PREX1: variants seen among roughly 807,000 people sequenced by gnomAD.
PREX1 encodes phosphatidylinositol 3,4,5-trisphosphate-dependent Rac exchanger 1 protein.
PREX1 carries 41 observed loss-of-function variants against 198.3 expected under a neutral mutation model. That is an observed-to-expected ratio of 0.21 (90% CI 0.16 to 0.27). PREX1 has a LOEUF of 0.27. PREX1 is among the 10% of genes least tolerant of loss of function. The pLI is 1.00. For synonymous variants in PREX1, 843 were observed against 887.2 expected (o/e 0.95, Z 0.89); for missense variants, 1,620 against 2,200.7 (o/e 0.74, Z 5.28).
intron 5 of PREX1, among the ~76,000 whole-genome samples, chr20:48,711,751 C>G (rs1322841659): frequency 6.6e-6 from 1 of 152,228 alleles, no homozygotes; most frequent in Non-Finnish European, 1.5e-5. Context: ...TTAAAAGCAA[C>G]AGAACTGATT....
At chr20:48,676,053 AG>A in intron 14 of PREX1, 139 bp downstream of exon 14, 3 of 856,256 alleles carry the variant, frequency 3.5e-6, no homozygotes, top group Middle Eastern at 3.0e-4. Context: ...AAAAAAAAAA[AG>A]ATCAAGATGG....
rs762648410 is a variant in PREX1, at chr20:48,644,497, G to A, written c.3513C>T (p.Ser1171=). The change falls in exon 27 of 40, where the codon AGC becomes AGT. Residue 1171 remains serine, a splice_region_variant and synonymous_variant. Transcript: ENST00000371941. ...HDTMSYRDSY[S]ECNSNRDSVL... ...CCGAGTCTCGATTGCTGTTACACTC[G>A]CTGCAAAGGGGCCCAGAGAAGGGGC... 91 of 1,612,606 alleles carry A rather than the reference G, an allele frequency of 5.6e-5. No individual in the cohort carries two copies. The highest frequency in any genetic ancestry group is 4.9e-4 in the Middle Eastern group (3 of 6,080).
intron 15 of PREX1, among the ~76,000 whole-genome samples, chr20:48,663,379 C>T (rs1162222149): frequency 2.6e-5 from 4 of 152,152 alleles, no homozygotes; most frequent in Admixed American, 6.5e-5. Context: ...AACTATGGCC[C>T]GGCTGGGTGT....
chr20:48,721,353 C>T lies in PREX1; in HGVS notation c.621+4937G>A, dbSNP rs576393738. Among the ~76,000 whole-genome samples, 85 of 152,198 alleles carry T rather than the reference C, an allele frequency of 5.6e-4. 1 individual carries two copies. Among genetic ancestry groups the T allele is most frequent in the Admixed American group, 9.8e-4 (15 of 15,274 alleles). On this transcript the variant is annotated intron_variant, in intron 5 of 39. Transcript: ENST00000371941. ...GCAAGGTGAAGGGGACAGAGAATGGCAGAGGCAGCTCCTCTATCGCAGAGG... is the reference window on the plus strand; with the variant it reads ...GCAAGGTGAAGGGGACAGAGAATGGTAGAGGCAGCTCCTCTATCGCAGAGG...
chr20:48,868,872 C>CA, the PREX1 span, among the ~76,000 whole-genome samples: 83 of 151,364 alleles, frequency 5.5e-4, no homozygotes, highest in African/African-American at 2.0e-3. Flanking sequence ...CCTAAAGAAT[C>CA]TTTTTTTTTC....
At chr20:48,733,503 G>C (rs1241566547) in intron 4 of PREX1, among the ~76,000 whole-genome samples, 2 of 152,182 alleles carry the variant, frequency 1.3e-5, no homozygotes, top group African/African-American at 4.8e-5. Flanking sequence ...AGCTATCAGA[G>C]GTATAAGTCT....
intron 30 of PREX1, 72 bp from the exon 31 acceptor site, chr20:48,637,824 C>T (rs897474423): frequency 7.0e-7 from 1 of 1,420,000 alleles, no homozygotes; most frequent in Non-Finnish European, 9.8e-7. Flanking sequence ...CAGAACCGGG[C>T]CCCTCCCCAT....
chr20:48,658,791 G>A (rs1197704592), intron 16 of PREX1, among the ~76,000 whole-genome samples: 1 of 152,296 alleles, frequency 6.6e-6, no homozygotes, highest in Admixed American at 6.5e-5. Context: ...GCACGGCAAG[G>A]GGGCAGAGAA....
intron 1 of PREX1, among the ~76,000 whole-genome samples, chr20:48,819,509 T>C (rs2090474222): frequency 6.6e-6 from 1 of 152,336 alleles, no homozygotes; most frequent in Admixed American, 6.5e-5. Flanking sequence ...CCTCATTTTA[T>C]TTCCTTCTGT....
Position 48,719,646 on chromosome 20 carries a change from T to C in PREX1, c.621+6644A>G, listed in dbSNP as rs117253294. On this transcript the variant is annotated intron_variant, in intron 5 of 39. Transcript: ENST00000371941. ...AGTATCCAGAATAATAGAAGGACTC[T>C]GGGAAATCAAAAGGACAATTGTCCA... 1.4e-3 allele frequency among the ~76,000 whole-genome samples: 218 copies of C among 152,232 alleles called. 5 individuals carry two copies. The East Asian group carries it at 0.036, about 25-fold the overall frequency.
intron 1 of PREX1, among the ~76,000 whole-genome samples, chr20:48,803,562 A>G (rs2090397135): frequency 6.6e-6 from 1 of 152,200 alleles, no homozygotes; most frequent in African/African-American, 2.4e-5. Context: ...CCCCAATTCC[A>G]CTTCCCAACC....
Position 48,629,427 on chromosome 20 carries a change from G to A in PREX1, c.4766+22C>T, listed in dbSNP as rs199813754. 71 of 1,607,982 alleles carry A rather than the reference G, an allele frequency of 4.4e-5. No individual in the cohort carries two copies. In the Middle Eastern group the frequency reaches 5.8e-4, roughly 13 times the overall value. ...CTAGGCCAGCCCCTCCCCACACCCC[G>A]ACTCAGCGGGCAGCAGCTCACCTCT... On this transcript the variant is annotated intron_variant, in intron 37 of 39. Coordinates refer to ENST00000371941, the MANE Select transcript of PREX1 (RefSeq NM_020820.4).
intron 4 of PREX1, among the ~76,000 whole-genome samples, chr20:48,731,624 C>G (rs6125446): frequency 0.072 from 10,982 of 152,294 alleles, 496 homozygotes; most frequent in South Asian, 0.18. Context: ...GTGCCCAGCA[C>G]AACATGGATG....
chr20:48,781,121 A>G (rs1389206738), intron 1 of PREX1, among the ~76,000 whole-genome samples: 2 of 152,190 alleles, frequency 1.3e-5, no homozygotes, highest in Non-Finnish European at 2.9e-5. Flanking sequence ...ATTACAGGAG[A>G]CTAAGGGGCC....
At position 48,709,670 on chromosome 20, in the gene PREX1, G is replaced by T. The variant is rs568875681; in HGVS notation, c.622-1249C>A. ...AGGAACTGGGATTTGAACCCAGGCT[G>T]CCTGGTGCTGCTCATGGTTGTGGTA... is the stretch of plus-strand genomic sequence containing the variant. On this transcript the variant is annotated intron_variant, in intron 5 of 39. Coordinates refer to ENST00000371941, the MANE Select transcript of PREX1 (RefSeq NM_020820.4). Among the ~76,000 whole-genome samples the T allele has an allele frequency of 3.3e-5, 5 of 152,342 alleles. No individual in the cohort carries two copies. The South Asian group carries it at 1.0e-3, about 32-fold the overall frequency.
chr20:48,651,329 C>T, intron 22 of PREX1, 67 bp downstream of exon 22: 3 of 1,522,558 alleles, frequency 2.0e-6, no homozygotes, highest in Non-Finnish European at 2.6e-6. Context: ...CTTCTCCCAA[C>T]CTTTGATAAG....
intron 14 of PREX1, among the ~76,000 whole-genome samples, chr20:48,675,239 G>C (rs1308938549): frequency 6.6e-6 from 1 of 152,198 alleles, no homozygotes; most frequent in Non-Finnish European, 1.5e-5. Context: ...TTCCCCATGA[G>C]AGGACACAGC....
chr20:48,847,287 G>A, the PREX1 span, among the ~76,000 whole-genome samples: 1 of 150,646 alleles, frequency 6.6e-6, no homozygotes. Context: ...CTTCATGGAG[G>A]AGGGGGCCTT....
At chr20:48,661,932 G>A (rs934986855) in intron 15 of PREX1, among the ~76,000 whole-genome samples, 4 of 152,218 alleles carry the variant, frequency 2.6e-5, no homozygotes, top group Non-Finnish European at 5.9e-5. Context: ...GGCTCGGAGA[G>A]GTAAAGGCAG....
Sources: allele counts gnomAD v4.1 joint callset (sites outside exome capture counted in the v4.1 genomes callset), GRCh38; gene constraint gnomAD v4.1.1; transcripts MANE v1.5; gene names NCBI Gene and HGNC (gene_info 2026-07-23, HGNC 2026-07-21).